RBMS3: variants seen among roughly 807,000 people sequenced by gnomAD.
RBMS3 encodes the protein RNA binding motif single stranded interacting protein 3.
RBMS3 carries 27 observed loss-of-function variants against 66.8 expected under a neutral mutation model. The ratio of observed to expected loss-of-function variants is 0.40; its 90% CI spans 0.30 to 0.56. The LOEUF (loss-of-function observed/expected upper bound fraction) is 0.56, where lower values mean the gene tolerates loss of function less well. Ranked by LOEUF, RBMS3 falls within the 20% of genes least tolerant of loss-of-function variation. RBMS3 has a pLI of 0.40. For missense variants in RBMS3, 513 were observed against 549.5 expected (o/e 0.93, Z 0.66); for synonymous variants, 188 against 183.0 (o/e 1.03, Z -0.22).
chr3:29,877,073 A>G (rs1463236796), intron 7 of RBMS3, among the ~76,000 whole-genome samples: 1 of 152,228 alleles, frequency 6.6e-6, no homozygotes, highest in Non-Finnish European at 1.5e-5. Flanking sequence ...CCGAAACAAG[A>G]GATGATAACT....
At chr3:29,904,488 AGATC>A (rs2060328811) in intron 10 of RBMS3, among the ~76,000 whole-genome samples, 5 of 152,138 alleles carry the variant, frequency 3.3e-5, no homozygotes, top group African/African-American at 1.2e-4. Context: ...AGCCATATAT[AGATC>A]TATATCAATT....
At chr3:29,405,352 A>G (rs1305998147) in intron 1 of RBMS3, among the ~76,000 whole-genome samples, 1 of 152,152 alleles carries the variant, frequency 6.6e-6, no homozygotes, top group Non-Finnish European at 1.5e-5. Context: ...AAAAATTCAC[A>G]GACAATTTAT....
intron 2 of RBMS3, among the ~76,000 whole-genome samples, chr3:29,487,739 C>T (rs2043376141): frequency 6.6e-6 from 1 of 151,912 alleles, no homozygotes; most frequent in South Asian, 2.1e-4. Flanking sequence ...TATATACTTA[C>T]AAAAATATTT....
intron 3 of RBMS3, among the ~76,000 whole-genome samples, chr3:29,532,969 A>G (rs533467668): frequency 2.0e-5 from 3 of 152,154 alleles, no homozygotes; most frequent in Admixed American, 6.5e-5. Flanking sequence ...GAATTTCTAC[A>G]TAGATCTTTT....
At chr3:29,351,864 T>G (rs940001960) in intron 1 of RBMS3, among the ~76,000 whole-genome samples, 1 of 152,070 alleles carries the variant, frequency 6.6e-6, no homozygotes, top group Admixed American at 6.6e-5. Context: ...TATTTTAGTG[T>G]AAGCGATGGA....
At chr3:29,927,684 G>C (rs2060977394) in intron 10 of RBMS3, among the ~76,000 whole-genome samples, 1 of 152,158 alleles carries the variant, frequency 6.6e-6, no homozygotes, top group Non-Finnish European at 1.5e-5. Flanking sequence ...AGACGGACAA[G>C]AGAATGATGA....
intron 12 of RBMS3, among the ~76,000 whole-genome samples, chr3:29,986,408 A>C (rs533496289): frequency 2.6e-5 from 4 of 152,324 alleles, no homozygotes; most frequent in African/African-American, 9.6e-5. Context: ...CTTCTGTAAA[A>C]CACGATTTCT....
intron 3 of RBMS3, among the ~76,000 whole-genome samples, chr3:29,559,915 G>A (rs1330818744): frequency 6.6e-6 from 1 of 152,186 alleles, no homozygotes; most frequent in Admixed American, 6.5e-5. Context: ...TCAAGATAGA[G>A]TGTCTCCTGG....
At chr3:30,000,567 C>T (rs1413286180) in intron 14 of RBMS3, among the ~76,000 whole-genome samples, 1 of 152,124 alleles carries the variant, frequency 6.6e-6, no homozygotes, top group Non-Finnish European at 1.5e-5. Context: ...ATAAATCATT[C>T]TACTATAAAG....
intron 12 of RBMS3, among the ~76,000 whole-genome samples, chr3:29,961,122 C>A (rs986873105): frequency 6.6e-6 from 1 of 152,074 alleles, no homozygotes; most frequent in African/African-American, 2.4e-5. Context: ...ATTTTGTGGC[C>A]TAGAAATTTC....
chr3:29,707,738 A>G (rs1484244435), intron 4 of RBMS3, among the ~76,000 whole-genome samples: 1 of 152,226 alleles, frequency 6.6e-6, no homozygotes, highest in Non-Finnish European at 1.5e-5. Context: ...TCTCTCTGCC[A>G]TGGGACAATT....
intron 1 of RBMS3, among the ~76,000 whole-genome samples, chr3:29,374,328 T>C (rs986233387): frequency 1.3e-5 from 2 of 152,180 alleles, no homozygotes; most frequent in African/African-American, 4.8e-5. Flanking sequence ...TTGTGAGAGA[T>C]GAGTTTTTGA....
chr3:29,364,325 A>T (rs138778324), intron 1 of RBMS3, among the ~76,000 whole-genome samples: 8 of 152,180 alleles, frequency 5.3e-5, no homozygotes, highest in African/African-American at 1.9e-4. Context: ...GGGAAGGGTG[A>T]TAAAGGGGAG....
At chr3:29,312,919 C>G (rs2034466704) in intron 1 of RBMS3, among the ~76,000 whole-genome samples, 1 of 151,602 alleles carries the variant, frequency 6.6e-6, no homozygotes, top group African/African-American at 2.4e-5. Flanking sequence ...TGCTTTTCAC[C>G]TTGAACTTCA....
chr3:29,640,411 T>C (rs556928631), intron 4 of RBMS3, among the ~76,000 whole-genome samples: 2 of 152,036 alleles, frequency 1.3e-5, no homozygotes, highest in East Asian at 3.9e-4. Flanking sequence ...GGATCATTCT[T>C]AGACATTTTA....
At chr3:29,412,069 G>T (rs918768142) in intron 1 of RBMS3, among the ~76,000 whole-genome samples, 5 of 152,280 alleles carry the variant, frequency 3.3e-5, no homozygotes, top group East Asian at 1.9e-4. Context: ...TAATAGAAAA[G>T]ACACTTATTT....
chr3:29,304,857 T>C (rs549334991), intron 1 of RBMS3, among the ~76,000 whole-genome samples: 6 of 152,052 alleles, frequency 3.9e-5, no homozygotes, highest in African/African-American at 1.4e-4. Flanking sequence ...CTTTCCTTTT[T>C]CACTCCTCAA....
intron 4 of RBMS3, among the ~76,000 whole-genome samples, chr3:29,682,578 A>G (rs1313075205): frequency 3.9e-5 from 6 of 152,216 alleles, no homozygotes. Context: ...AGTTTTTGCC[A>G]CAGGCAGGAG....
At chr3:29,537,977 T>C (rs2045634930) in intron 3 of RBMS3, among the ~76,000 whole-genome samples, 1 of 152,156 alleles carries the variant, frequency 6.6e-6, no homozygotes, top group South Asian at 2.1e-4. Context: ...TTTGCATATA[T>C]ATTTAAGTTT....
Sources: gnomAD v4.1 joint callset for allele counts (sites outside exome capture counted in the v4.1 genomes callset) on GRCh38, gnomAD v4.1.1 for gene constraint, MANE v1.5 for transcripts, NCBI Gene and HGNC (gene_info 2026-07-23, HGNC 2026-07-21) for gene names.